PXDNL: variants seen among roughly 807,000 people sequenced by gnomAD.
PXDNL encodes the protein probable oxidoreductase PXDNL.
In PXDNL, 145 loss-of-function variants were observed where a neutral mutation model predicts 150.8. That is an observed-to-expected ratio of 0.96 (90% confidence interval 0.84 to 1.10). PXDNL has a LOEUF of 1.10. Ranked by LOEUF, PXDNL falls within the 50% of genes least tolerant of loss-of-function variation. The pLI, the probability that PXDNL is intolerant of heterozygous loss-of-function variation, is 0.00. For synonymous variants in PXDNL, 757 were observed against 725.7 expected (o/e 1.04, Z -0.69); for missense variants, 2,087 against 1,873.9 (o/e 1.11, Z -2.10).
intron 17 of PXDNL, among the ~76,000 whole-genome samples, chr8:51,401,400 C>T (rs1289597346): frequency 2.0e-5 from 3 of 152,150 alleles, no homozygotes; most frequent in East Asian, 1.9e-4. Context: ...GGGAATAAAA[C>T]GCTGAACAGA....
At chr8:51,715,827 G>C (rs1214867604) in intron 1 of PXDNL, among the ~76,000 whole-genome samples, 1 of 151,994 alleles carries the variant, frequency 6.6e-6, no homozygotes, top group African/African-American at 2.4e-5. Flanking sequence ...CTTCTGATCA[G>C]CAACCCAGGG....
intron 5 of PXDNL, among the ~76,000 whole-genome samples, chr8:51,488,410 T>C (rs1810815713): frequency 6.6e-6 from 1 of 152,090 alleles, no homozygotes; most frequent in Non-Finnish European, 1.5e-5. Context: ...CACAAAGACC[T>C]GGATGGAGAA....
intron 19 of PXDNL, among the ~76,000 whole-genome samples, chr8:51,358,519 AATATGCTG>A (rs1222236756): frequency 9.9e-5 from 15 of 152,216 alleles, no homozygotes; most frequent in Non-Finnish European, 2.1e-4. Context: ...TGAAAAACCA[AATATGCTG>A]ATTAATGCTG....
At chr8:51,605,128 C>G (rs1368988687) in intron 2 of PXDNL, among the ~76,000 whole-genome samples, 1 of 151,902 alleles carries the variant, frequency 6.6e-6, no homozygotes. Context: ...TGCCTTGTAC[C>G]ATATAAAATA....
chr8:51,636,057 C>T (rs1386001322), intron 2 of PXDNL, among the ~76,000 whole-genome samples: 1 of 152,068 alleles, frequency 6.6e-6, no homozygotes, highest in East Asian at 1.9e-4. Flanking sequence ...ATAAGAAAGT[C>T]AACCAATGTT....
At chr8:51,329,257 G>A (rs1031073793) in intron 21 of PXDNL, among the ~76,000 whole-genome samples, 2 of 152,184 alleles carry the variant, frequency 1.3e-5, no homozygotes, top group African/African-American at 4.8e-5. Context: ...TACTGCTGAA[G>A]CAGCTGAAAG....
In PXDNL at chr8:51,463,190, T is replaced by C. The variant is rs563952974; in HGVS notation, c.813-5523A>G. On this transcript the variant is annotated intron_variant, in intron 8 of 22. Coordinates refer to ENST00000356297, the MANE Select transcript of PXDNL (RefSeq NM_144651.5). ...TATCACCAAGACATATTTAAGTACA[T>C]ACCCCATAGATAGACCCTATAAAGC... 7.7e-4 allele frequency among the ~76,000 whole-genome samples: 117 copies of C among 152,236 alleles called. 2 individuals are homozygous for C. The highest frequency in any genetic ancestry group is 2.7e-3 in the African/African-American group (113 of 41,534).
chr8:51,668,745 C>G (rs191890618), intron 1 of PXDNL, among the ~76,000 whole-genome samples: 1 of 152,148 alleles, frequency 6.6e-6, no homozygotes, highest in Non-Finnish European at 1.5e-5. Flanking sequence ...TAAACAATAT[C>G]ATCTTCTTTT....
At position 51,580,575 on chromosome 8, in the gene PXDNL, T is replaced by C. The variant is rs181494429; in HGVS notation, c.308+12052A>G. 3.5e-4 allele frequency among the ~76,000 whole-genome samples: 53 copies of C among 152,300 alleles called. 1 individual carries two copies. The East Asian group carries it at 7.5e-3, about 22-fold the overall frequency. On this transcript the variant is annotated intron_variant, in intron 3 of 22. Coordinates refer to ENST00000356297, the MANE Select transcript of PXDNL (RefSeq NM_144651.5). The stretch of plus-strand genomic sequence containing the variant: ...CTGTTCATTAGACTTTTGAATATCA[T>C]GTTCCACCAAAGTCATCCATTCTAC...
At chr8:51,472,384 C>A (rs1252134867) in intron 7 of PXDNL, 80 bp from the exon 8 acceptor site, 3 of 1,018,554 alleles carry the variant, frequency 2.9e-6, no homozygotes, top group African/African-American at 1.6e-5. Flanking sequence ...GAGATATAGG[C>A]AATTTAAATT....
intron 21 of PXDNL, among the ~76,000 whole-genome samples, chr8:51,331,608 C>G (rs560472791): frequency 6.6e-6 from 1 of 151,886 alleles, no homozygotes; most frequent in Non-Finnish European, 1.5e-5. Context: ...TCAAGCCTGC[C>G]CTCCACCTGG....
intron 4 of PXDNL, among the ~76,000 whole-genome samples, chr8:51,508,068 C>A (rs1811330001): frequency 6.6e-6 from 1 of 152,084 alleles, no homozygotes; most frequent in Non-Finnish European, 1.5e-5. Flanking sequence ...TTAATAGAAG[C>A]AAAGTGAGGA....
intron 5 of PXDNL, among the ~76,000 whole-genome samples, chr8:51,486,613 T>G (rs1367853665): frequency 6.7e-6 from 1 of 150,254 alleles, no homozygotes; most frequent in Non-Finnish European, 1.5e-5. Flanking sequence ...CCTTTTTTTC[T>G]TTCTTCTTTC....
rs114485613 is a variant in PXDNL at position 51,321,075 on chromosome 8, C to A, written c.4147-178G>T. The A allele has an allele frequency of 1.8e-3, 1,003 of 561,566 alleles. 6 individuals carry two copies. The highest frequency in any genetic ancestry group is 0.017 in the African/African-American group (908 of 52,236). The allele number at this position is 561,566 out of a possible 1,614,324, so 34.8% of individuals were successfully genotyped here. On this transcript the variant is annotated intron_variant, in intron 21 of 22. Transcript: ENST00000356297. ...CCAGGACTTAATGAGCTTGAATCATCCAGTATCCAAACAAATAAACAGTTC... is the reference window on the plus strand; with the variant it reads ...CCAGGACTTAATGAGCTTGAATCATACAGTATCCAAACAAATAAACAGTTC...
At chr8:51,400,430 T>C (rs1200601516) in intron 17 of PXDNL, among the ~76,000 whole-genome samples, 1 of 152,242 alleles carries the variant, frequency 6.6e-6, no homozygotes, top group African/African-American at 2.4e-5. Context: ...TTGGTGATGC[T>C]CAACCTGTTT....
intron 1 of PXDNL, among the ~76,000 whole-genome samples, chr8:51,704,198 A>T (rs1816315875): frequency 6.6e-6 from 1 of 152,220 alleles, no homozygotes; most frequent in Admixed American, 6.5e-5. Flanking sequence ...CAGACAATAT[A>T]TATTTAAGTT....
intron 12 of PXDNL, among the ~76,000 whole-genome samples, chr8:51,435,035 T>C (rs1055006585): frequency 6.6e-6 from 1 of 152,174 alleles, no homozygotes; most frequent in Non-Finnish European, 1.5e-5. Context: ...AGAGTCTTCA[T>C]TGGCCGGATG....
intron 2 of PXDNL, among the ~76,000 whole-genome samples, chr8:51,612,788 T>A (rs1034138631): frequency 6.6e-6 from 1 of 152,238 alleles, no homozygotes; most frequent in Non-Finnish European, 1.5e-5. Context: ...CCTCCAGAAT[T>A]GTGAGAAATA....
chr8:51,378,522 A>T (rs1807419460), intron 17 of PXDNL, among the ~76,000 whole-genome samples: 1 of 152,208 alleles, frequency 6.6e-6, no homozygotes, highest in African/African-American at 2.4e-5. Flanking sequence ...GAAAAGGGTG[A>T]AAAAGCAGGC....
Sources: gnomAD v4.1 joint callset for allele counts (sites outside exome capture counted in the v4.1 genomes callset) on GRCh38, gnomAD v4.1.1 for gene constraint, MANE v1.5 for transcripts, NCBI Gene and HGNC (gene_info 2026-07-23, HGNC 2026-07-21) for gene names.